The following CATSPERE variants were observed in gnomAD, a reference collection of about 807,000 sequenced individuals.
CATSPERE encodes cation channel sperm-associated auxiliary subunit epsilon.
CATSPERE carries 93 observed loss-of-function variants against 114.1 expected under a neutral mutation model. The observed-to-expected ratio is 0.81, with a 90% CI of 0.69 to 0.97. CATSPERE has a LOEUF of 0.97. Ranked by LOEUF, CATSPERE falls within the 50% of genes least tolerant of loss-of-function variation. The pLI is 0.00. For synonymous variants in CATSPERE, 341 were observed against 384.1 expected, an observed-to-expected ratio of 0.89 and a Z score of 1.31; for missense variants, 1,058 against 1,131.6, an observed-to-expected ratio of 0.93 and a Z score of 0.93.
At chr1:244,632,845 A>C (rs184998808) in intron 20 of CATSPERE, among the ~76,000 whole-genome samples, 1 of 152,204 alleles carries the variant, frequency 6.6e-6, no homozygotes, top group Admixed American at 6.5e-5. Flanking sequence ...AAGAACGGAG[A>C]TTGTCACATT....
chr1:244,542,085 C>G (rs1658885448), intron 8 of CATSPERE, among the ~76,000 whole-genome samples: 1 of 149,198 alleles, frequency 6.7e-6, no homozygotes, highest in African/African-American at 2.5e-5. Context: ...TGCAGCGCAC[C>G]AGCATGGCAC....
intron 19 of CATSPERE, among the ~76,000 whole-genome samples, chr1:244,612,807 G>A (rs1339221926): frequency 2.0e-5 from 3 of 152,228 alleles, no homozygotes; most frequent in South Asian, 2.1e-4. Flanking sequence ...GATTACAGGC[G>A]CGGCACCACG....
chr1:244,493,534 G>T (rs1430059439), intron 6 of CATSPERE, among the ~76,000 whole-genome samples: 1 of 152,106 alleles, frequency 6.6e-6, no homozygotes, highest in Admixed American at 6.5e-5. Flanking sequence ...CAGGACATAG[G>T]CATGGGCAAG....
intron 2 of CATSPERE, among the ~76,000 whole-genome samples, chr1:244,474,177 G>A (rs1307089488): frequency 2.0e-5 from 3 of 151,754 alleles, no homozygotes; most frequent in Non-Finnish European, 4.4e-5. Context: ...GATTACAGGC[G>A]CCCACCACCA....
intron 5 of CATSPERE, among the ~76,000 whole-genome samples, chr1:244,487,673 G>A (rs1671318316): frequency 1.3e-5 from 2 of 152,128 alleles, no homozygotes; most frequent in Admixed American, 1.3e-4. Context: ...CCAGGTCAAA[G>A]ACAGAAGCAG....
chr1:244,490,103 T>G (rs559526640), intron 5 of CATSPERE, among the ~76,000 whole-genome samples: 57 of 152,312 alleles, frequency 3.7e-4, no homozygotes, highest in African/African-American at 1.2e-3. Context: ...GGACAAATGA[T>G]GCTTTTTGTT....
At chr1:244,582,822 C>T (rs566957120) in intron 12 of CATSPERE, among the ~76,000 whole-genome samples, 5 of 152,070 alleles carry the variant, frequency 3.3e-5, no homozygotes, top group Non-Finnish European at 7.4e-5. Context: ...GTTCTAGTGT[C>T]ATGGAACCCA....
At chr1:244,628,591 C>A (rs1466742745) in intron 20 of CATSPERE, among the ~76,000 whole-genome samples, 2 of 152,190 alleles carry the variant, frequency 1.3e-5, no homozygotes, top group African/African-American at 4.8e-5. Context: ...CTCATCAACT[C>A]TTGTTTTTTC....
Position 244,572,633 on chromosome 1 carries a change from C to T in CATSPERE, c.1811C>T (p.Ala604Val). The change falls in exon 11 of 22, where the codon GCT becomes GTT. Residue 604 changes from alanine to valine, a missense_variant. Physicochemically the swap from Ala to Val is moderately conservative, Grantham distance 64. Around this residue, in one of 2 missense-constraint regions of CATSPERE, gnomAD observed 787 missense variants for 905.6 expected, o/e 0.87. Transcript: ENST00000366534. The part of the protein sequence containing the change: ...HVFYFLDKGE[A>V]LTVWTQIVYP... ...TTTTACTTTTTGGACAAGGGAGAGG[C>T]TCTGACAGTTTGGACTCAGATCGTC... 1 of 1,614,060 alleles carries T rather than the reference C, an allele frequency of 6.2e-7. No homozygotes were observed. Among genetic ancestry groups the T allele is most frequent in the Non-Finnish European group, 8.5e-7 (1 of 1,179,972 alleles).
intron 5 of CATSPERE, among the ~76,000 whole-genome samples, chr1:244,486,975 C>T (rs1671167542): frequency 6.7e-6 from 1 of 149,536 alleles, no homozygotes; most frequent in South Asian, 2.1e-4. Context: ...ACTCGTGGGC[C>T]ATGTGTAGAC....
intron 6 of CATSPERE, 27 bp downstream of exon 6, chr1:244,490,498 G>T (rs763288748): frequency 1.1e-5 from 14 of 1,293,222 alleles, no homozygotes; most frequent in Non-Finnish European, 1.4e-5. Context: ...ATTTTGTATA[G>T]CCTTCATATA....
chr1:244,615,209 A>G (rs1397694321), intron 19 of CATSPERE, among the ~76,000 whole-genome samples: 1 of 150,020 alleles, frequency 6.7e-6, no homozygotes. Context: ...TCAGCATTCT[A>G]TTAAAAATGA....
intron 10 of CATSPERE, among the ~76,000 whole-genome samples, chr1:244,561,448 T>C (rs912784732): frequency 6.6e-6 from 1 of 152,198 alleles, no homozygotes; most frequent in Admixed American, 6.5e-5. Context: ...TGTGGTATTG[T>C]GTTACGTTTC....
At chr1:244,552,217 G>A in intron 8 of CATSPERE, 105 bp from the exon 9 acceptor site, 1 of 1,381,574 alleles carries the variant, frequency 7.2e-7, no homozygotes, top group Admixed American at 2.5e-5. Context: ...ATCCAGATTT[G>A]TATTGATAAA....
chr1:244,529,528 A>G (rs536096646), intron 8 of CATSPERE, among the ~76,000 whole-genome samples: 9 of 151,994 alleles, frequency 5.9e-5, no homozygotes, highest in South Asian at 2.1e-4. Flanking sequence ...TTTTTTTCCT[A>G]TAGTGTTGTT....
At chr1:244,468,480 A>C (rs1260236096) in intron 2 of CATSPERE, among the ~76,000 whole-genome samples, 1 of 152,336 alleles carries the variant, frequency 6.6e-6, no homozygotes, top group South Asian at 2.1e-4. Flanking sequence ...TCTTTAATTC[A>C]TAAATGACCA....
At chr1:244,558,879 T>C (rs2148523877) in intron 9 of CATSPERE, among the ~76,000 whole-genome samples, 1 of 152,088 alleles carries the variant, frequency 6.6e-6, no homozygotes, top group Non-Finnish European at 1.5e-5. Flanking sequence ...TCAAGGAGAG[T>C]TCCTCTCCAC....
rs1347437031 is a variant in CATSPERE, at chr1:244,622,422, G to C, written c.2648+4736G>C. Among the ~76,000 whole-genome samples the C allele has an allele frequency of 1.7e-4, 10 of 59,014 alleles. 1 individual carries two copies. Among genetic ancestry groups the C allele is most frequent in the Admixed American group, 1.2e-3 (7 of 5,856 alleles). The allele number at this position is 59,014 out of a possible 152,430, so 38.7% of individuals were successfully genotyped here. A position where few individuals can be genotyped will look rare whatever the true frequency, so the allele number is the denominator to read the frequency against. Reference sequence around the variant, plus strand: ...TTTTCTTTTTTTTTTTTTTTTTTTTGAGACAGGTTCTCATTCTGTCACCCA... The same window carrying C: ...TTTTCTTTTTTTTTTTTTTTTTTTTCAGACAGGTTCTCATTCTGTCACCCA... On this transcript the variant is annotated intron_variant, in intron 20 of 21. Coordinates refer to ENST00000366534, the MANE Select transcript of CATSPERE (RefSeq NM_001130957.2).
At chr1:244,506,307 T>G (rs759199408) in intron 7 of CATSPERE, among the ~76,000 whole-genome samples, 1 of 152,204 alleles carries the variant, frequency 6.6e-6, no homozygotes, top group African/African-American at 2.4e-5. Context: ...ACTGGACACA[T>G]GGGTTGCTTC....
Sources: gnomAD v4.1 joint callset for allele counts (sites outside exome capture counted in the v4.1 genomes callset) on GRCh38, gnomAD v4.1.1 for gene constraint, gnomAD v4.1.1 regional missense constraint, MANE v1.5 for transcripts, NCBI Gene and HGNC (gene_info 2026-07-23, HGNC 2026-07-21) for gene names.